The following ACTR3C variants were observed in gnomAD, a reference collection of about 807,000 sequenced individuals.
The protein encoded by ACTR3C is actin related protein 3C.
ACTR3C carries 18 observed loss-of-function variants against 26.3 expected under a neutral mutation model. The observed-to-expected ratio is 0.68, with a 90% CI of 0.47 to 1.01. ACTR3C has a LOEUF of 1.01. Ranked by LOEUF, ACTR3C falls within the 50% of genes least tolerant of loss-of-function variation. The pLI, the probability that ACTR3C is intolerant of heterozygous loss-of-function variation, is 0.00. For synonymous variants in ACTR3C, 55 were observed against 94.5 expected, an observed-to-expected ratio of 0.58 and a Z score of 2.42; for missense variants, 184 against 250.7, an observed-to-expected ratio of 0.73 and a Z score of 1.80.
At chr7:149,995,810 C>A in the ACTR3C span, among the ~76,000 whole-genome samples, 1 of 152,292 alleles carries the variant, frequency 6.6e-6, no homozygotes, top group Admixed American at 6.5e-5. Context: ...GCACCGTTGG[C>A]AGGACCAGCA....
At chr7:150,208,189 G>A in the ACTR3C span, among the ~76,000 whole-genome samples, 3 of 152,134 alleles carry the variant, frequency 2.0e-5, no homozygotes, top group African/African-American at 7.2e-5. Context: ...GGACAACCTA[G>A]GTGGGGCCCA....
the ACTR3C span, among the ~76,000 whole-genome samples, chr7:150,084,716 G>C: frequency 6.6e-6 from 1 of 152,224 alleles, no homozygotes; most frequent in Non-Finnish European, 1.5e-5. Flanking sequence ...TTGGAGGTCA[G>C]TAAGGAGCTT....
intron 2 of ACTR3C, among the ~76,000 whole-genome samples, chr7:150,293,941 T>TA (rs1375252002): frequency 4.7e-5 from 7 of 149,742 alleles, no homozygotes; most frequent in African/African-American, 1.5e-4. Context: ...GTCTCAAAAA[T>TA]AAAAAAAAGA....
the ACTR3C span, among the ~76,000 whole-genome samples, chr7:150,020,725 T>C: frequency 6.6e-6 from 1 of 152,106 alleles, no homozygotes; most frequent in Non-Finnish European, 1.5e-5. Context: ...TATTATTACT[T>C]AATCTCAGGC....
chr7:150,074,352 A>G, the ACTR3C span: 5 of 152,146 alleles, frequency 3.3e-5, no homozygotes, highest in African/African-American at 9.7e-5. Flanking sequence ...TAAAAGGTAC[A>G]TGGGGCAGAG....
the ACTR3C span, among the ~76,000 whole-genome samples, chr7:150,038,665 G>C: frequency 2.1e-5 from 3 of 144,440 alleles, no homozygotes; most frequent in Non-Finnish European, 4.6e-5. Flanking sequence ...ACGTAAGGTC[G>C]GAAGATTTGA....
chr7:150,263,371 A>G (rs1833796372), intron 6 of ACTR3C, among the ~76,000 whole-genome samples: 1 of 152,242 alleles, frequency 6.6e-6, no homozygotes, highest in Non-Finnish European at 1.5e-5. Flanking sequence ...TATTTTATCT[A>G]TACTTCTTTC....
At chr7:149,914,688 G>A in the ACTR3C span, among the ~76,000 whole-genome samples, 1 of 149,526 alleles carries the variant, frequency 6.7e-6, no homozygotes, top group Non-Finnish European at 1.5e-5. Flanking sequence ...CAGATGATGG[G>A]AGAAAAAAAA....
the ACTR3C span, among the ~76,000 whole-genome samples, chr7:150,036,803 C>T: frequency 7.3e-6 from 1 of 137,074 alleles, no homozygotes; most frequent in African/African-American, 2.6e-5. Flanking sequence ...ACACCTAACA[C>T]CCACAGTCCT....
intron 1 of ACTR3C, among the ~76,000 whole-genome samples, chr7:150,319,201 T>G (rs1370323778): frequency 1.4e-5 from 2 of 145,592 alleles, no homozygotes; most frequent in Non-Finnish European, 3.0e-5. Context: ...TAAAATTGCT[T>G]CTTCTTTTTT....
the ACTR3C span, among the ~76,000 whole-genome samples, chr7:149,888,779 G>C: frequency 3.3e-5 from 5 of 152,098 alleles, no homozygotes; most frequent in African/African-American, 4.8e-5. Context: ...AGGCCAAGGC[G>C]GGTGGATCAC....
At chr7:150,180,904 T>C in the ACTR3C span, among the ~76,000 whole-genome samples, 7 of 151,170 alleles carry the variant, frequency 4.6e-5, no homozygotes, top group Non-Finnish European at 1.0e-4. Flanking sequence ...TTTGTGAATT[T>C]ATGTTATTTG....
At chr7:150,049,472 T>G in the ACTR3C span, among the ~76,000 whole-genome samples, 8 of 152,198 alleles carry the variant, frequency 5.3e-5, no homozygotes, top group African/African-American at 1.9e-4. Flanking sequence ...GTTGGCTTCA[T>G]CTCCCAGGAC....
Position 150,306,735 on chromosome 7 carries a change from G to A in ACTR3C, c.-51-11388C>T, listed in dbSNP as rs548266452. Reference sequence around the variant, plus strand: ...GTGAACACCTCAGACCCAAAGACAAGCAGCTTCACTTCTAGGTGTCTATCC... The same window carrying A: ...GTGAACACCTCAGACCCAAAGACAAACAGCTTCACTTCTAGGTGTCTATCC... On this transcript the variant is annotated intron_variant, in intron 1 of 7. Coordinates refer to ENST00000683684, the MANE Select transcript of ACTR3C (RefSeq NM_001164458.2). Among the ~76,000 whole-genome samples the A allele has an allele frequency of 2.0e-4, 31 of 152,270 alleles. 1 individual carries two copies. The South Asian group carries it at 6.0e-3, about 30-fold the overall frequency.
chr7:150,316,478 T>C (rs1024676194), intron 1 of ACTR3C, among the ~76,000 whole-genome samples: 2 of 138,714 alleles, frequency 1.4e-5, no homozygotes, highest in Non-Finnish European at 3.0e-5. Flanking sequence ...CTTTAGAATC[T>C]GGTTATTTTT....
At chr7:150,305,700 TA>T (rs1795759093) in intron 1 of ACTR3C, among the ~76,000 whole-genome samples, 1 of 152,190 alleles carries the variant, frequency 6.6e-6, no homozygotes, top group African/African-American at 2.4e-5. Context: ...GAGCTCTGGG[TA>T]ATGCAATATT....
the ACTR3C span, among the ~76,000 whole-genome samples, chr7:150,136,256 T>C: frequency 2.0e-5 from 3 of 152,158 alleles, no homozygotes; most frequent in Non-Finnish European, 2.9e-5. Flanking sequence ...CATGAAGCGG[T>C]AGCGTCTCCA....
At chr7:150,088,079 C>T in the ACTR3C span, among the ~76,000 whole-genome samples, 1 of 152,186 alleles carries the variant, frequency 6.6e-6, no homozygotes, top group Non-Finnish European at 1.5e-5. Context: ...ATTCCAGATA[C>T]AAGTCTCTTG....
chr7:150,312,939 G>A (rs927801601), intron 1 of ACTR3C, among the ~76,000 whole-genome samples: 2 of 152,148 alleles, frequency 1.3e-5, no homozygotes, highest in African/African-American at 4.8e-5. Flanking sequence ...AAGTGAAACA[G>A]CCAGCTCCCG....
Sources: gnomAD v4.1 joint callset for allele counts (sites outside exome capture counted in the v4.1 genomes callset) on GRCh38, gnomAD v4.1.1 for gene constraint, MANE v1.5 for transcripts, NCBI Gene and HGNC (gene_info 2026-07-23, HGNC 2026-07-21) for gene names.